BID: variants seen among roughly 807,000 people sequenced by gnomAD.
The protein encoded by BID is BH3 interacting domain death agonist.
Under a neutral mutation model 17.4 loss-of-function variants are expected in BID, and 19 were observed. The observed-to-expected ratio is 1.09, with a 90% CI of 0.76 to 1.60. The LOEUF is 1.60. BID is among the 40% of genes most tolerant of loss of function. The probability of loss-of-function intolerance (pLI) is 0.00; values close to 1 mark genes in which losing one functional copy is unlikely to be tolerated. For synonymous variants in BID, 108 were observed against 102.8 expected (o/e 1.05, Z -0.31); for missense variants, 226 against 256.0 (o/e 0.88, Z 0.80).
chr22:17,743,748 T>C, intron 3 of BID, 55 bp downstream of exon 3: 1 of 1,538,274 alleles, frequency 6.5e-7, no homozygotes, highest in South Asian at 1.2e-5. Context: ...TCCCTGAATG[T>C]TACTGGCGAC....
chr22:17,737,924 A>C, intron 5 of BID, 93 bp downstream of exon 5: 1 of 1,332,022 alleles, frequency 7.5e-7, no homozygotes, highest in Non-Finnish European at 1.1e-6. Context: ...TTGTGCTGGC[A>C]TCAGAGGCAG....
chr22:17,735,683 G>T, intron 5 of BID, 92 bp from the exon 6 acceptor site: 2 of 1,526,014 alleles, frequency 1.3e-6, no homozygotes, highest in Non-Finnish European at 1.8e-6. Flanking sequence ...CAAAGCTGGG[G>T]TTTATGCAAA....
chr22:17,756,280 A>G (rs1164674076), intron 1 of BID, among the ~76,000 whole-genome samples: 1 of 152,234 alleles, frequency 6.6e-6, no homozygotes, highest in African/African-American at 2.4e-5. Flanking sequence ...TGCGCAGGCA[A>G]CGGGGAAACT....
intron 2 of BID, among the ~76,000 whole-genome samples, chr22:17,747,598 G>A (rs867906968): frequency 1.3e-5 from 2 of 152,142 alleles, no homozygotes; most frequent in Middle Eastern, 3.4e-3. Context: ...TGGGATTACT[G>A]GCGTGAGCCA....
At chr22:17,768,651 A>G (rs887044291) in intron 1 of BID, among the ~76,000 whole-genome samples, 4 of 152,168 alleles carry the variant, frequency 2.6e-5, no homozygotes, top group African/African-American at 9.6e-5. Flanking sequence ...AGGCGGGTGG[A>G]TCACGAGGTC....
At position 17,774,415 on chromosome 22, in the gene BID, G is replaced by A. The variant is rs561012229; in HGVS notation, c.-93C>T. ...GCCGCGGGGGCGCGGGCGCGTCCGG[G>A]CCGAGGCAGCGTCTCCCAGGCGCGC... On this transcript the variant is annotated 5_prime_UTR_variant, in exon 1 of 6. Coordinates refer to ENST00000622694, the MANE Select transcript of BID (RefSeq NM_001196.4). The A allele has an allele frequency of 1.1e-5, 3 of 278,114 alleles. No homozygotes were observed. The highest frequency in any genetic ancestry group is 8.5e-5 in the South Asian group (3 of 35,222). The allele number at this position is 278,114 out of a possible 1,614,324, so 17.2% of individuals were successfully genotyped here. A position where few individuals can be genotyped will look rare whatever the true frequency, so the allele number is the denominator to read the frequency against.
At chr22:17,749,963 G>T in intron 2 of BID, 142 bp downstream of exon 2, 2 of 766,580 alleles carry the variant, frequency 2.6e-6, no homozygotes, top group South Asian at 3.5e-5. Context: ...AAGGGGCTGG[G>T]CGGGGTTCGT....
intron 1 of BID, among the ~76,000 whole-genome samples, chr22:17,753,839 C>T (rs1177007058): frequency 6.6e-6 from 1 of 152,266 alleles, no homozygotes; most frequent in Admixed American, 6.5e-5. Flanking sequence ...AGCCAGGTTC[C>T]CCAAGGCCCT....
intron 1 of BID, among the ~76,000 whole-genome samples, chr22:17,767,049 C>A: frequency 6.6e-6 from 1 of 151,742 alleles, no homozygotes; most frequent in East Asian, 2.0e-4. Context: ...CATGGTGAAA[C>A]CCCATCTCTA....
chr22:17,756,019 C>T (rs1251637485), intron 1 of BID, among the ~76,000 whole-genome samples: 1 of 151,964 alleles, frequency 6.6e-6, no homozygotes, highest in African/African-American at 2.4e-5. Flanking sequence ...AGGCACACAC[C>T]ACCACACCTG....
rs2061411573 is a variant in BID, at chr22:17,735,285, A to G, written c.*295T>C. On this transcript the variant is annotated 3_prime_UTR_variant, in exon 6 of 6. Transcript: ENST00000622694. Reference sequence around the variant, plus strand: ...ATTTAATTTTTAAGTGGGAACCTGCACAGTGGAAATAAAGGCACCGTGTGT... The same window carrying G: ...ATTTAATTTTTAAGTGGGAACCTGCGCAGTGGAAATAAAGGCACCGTGTGT... 2 of 417,750 alleles carry G rather than the reference A, an allele frequency of 4.8e-6. No homozygotes were observed. Among genetic ancestry groups the G allele is most frequent in the Non-Finnish European group, 4.3e-6 (1 of 232,774 alleles). 25.9% of individuals were successfully genotyped at this position (417,750 alleles called of 1,614,324 possible).
At chr22:17,750,450 A>C (rs139893987) in intron 1 of BID, among the ~76,000 whole-genome samples, 1 of 152,246 alleles carries the variant, frequency 6.6e-6, no homozygotes, top group African/African-American at 2.4e-5. Context: ...CATCAGGGAA[A>C]CGGGGCCGTG....
chr22:17,754,077 G>T (rs768887158), intron 1 of BID, among the ~76,000 whole-genome samples: 1 of 151,690 alleles, frequency 6.6e-6, no homozygotes, highest in African/African-American at 2.4e-5. Flanking sequence ...TGCAGGACAG[G>T]GGTGACATTC....
intron 3 of BID, among the ~76,000 whole-genome samples, chr22:17,741,494 G>C: frequency 6.8e-6 from 1 of 146,552 alleles, no homozygotes; most frequent in East Asian, 2.0e-4. Flanking sequence ...TTTTTTTCAA[G>C]ACATAGTCTC....
chr22:17,754,770 G>T lies in BID; in HGVS notation c.-58-4596C>A, dbSNP rs146814007. Among the ~76,000 whole-genome samples, 910 of 152,078 alleles carry T rather than the reference G, an allele frequency of 6.0e-3. 10 individuals carry two copies. The highest frequency in any genetic ancestry group is 0.02 in the African/African-American group (831 of 41,442). ...AGTTTTTTTGTTTTTGTTTTTGTTT[G>T]TGTTTTTTTTGGAGACAGAGTCTCA... On this transcript the variant is annotated intron_variant, in intron 1 of 5. Transcript: ENST00000622694.
At chr22:17,750,259 C>G in intron 1 of BID, 85 bp from the exon 2 acceptor site, 1 of 1,203,038 alleles carries the variant, frequency 8.3e-7, no homozygotes, top group Non-Finnish European at 1.2e-6. Flanking sequence ...CTGGCCTGTG[C>G]TCCAGAAATG....
At chr22:17,746,935 G>A (rs1259439062) in intron 2 of BID, among the ~76,000 whole-genome samples, 1 of 152,192 alleles carries the variant, frequency 6.6e-6, no homozygotes, top group Non-Finnish European at 1.5e-5. Flanking sequence ...GCTAACGCAG[G>A]CAGCCGCTGC....
intron 1 of BID, among the ~76,000 whole-genome samples, chr22:17,766,703 C>A (rs1318190615): frequency 1.3e-5 from 2 of 152,050 alleles, no homozygotes; most frequent in Non-Finnish European, 2.9e-5. Flanking sequence ...CATTCTCCTG[C>A]CTCAGCCTCC....
rs2061736046 is a variant in BID at position 17,773,547 on chromosome 22, C to T, written c.-59+834G>A. On this transcript the variant is annotated intron_variant, in intron 1 of 5. Coordinates refer to ENST00000622694, the MANE Select transcript of BID (RefSeq NM_001196.4). The surrounding 1 kb of genome is among the most constrained non-coding windows in gnomAD (Gnocchi z 4.4). ...TGGGTCCATCTGCTCCTCACCTGCCCCAACCCTGCCTGCAGGTGAAGGCCG... is the reference window on the plus strand; with the variant it reads ...TGGGTCCATCTGCTCCTCACCTGCCTCAACCCTGCCTGCAGGTGAAGGCCG... 6.3e-7 allele frequency: 1 copy of T among 1,576,150 alleles called. No individual in the cohort carries two copies. Among genetic ancestry groups the T allele is most frequent in the African/African-American group, 1.4e-5 (1 of 73,994 alleles).
Sources: allele counts gnomAD v4.1 joint callset (sites outside exome capture counted in the v4.1 genomes callset), GRCh38; gene constraint gnomAD v4.1.1; non-coding constraint Gnocchi (gnomAD v3.1); transcripts MANE v1.5; gene names NCBI Gene and HGNC (gene_info 2026-07-23, HGNC 2026-07-21).